Variants in RPS6KA2 observed in about 807,000 individuals in gnomAD.
RPS6KA2 encodes the protein ribosomal protein S6 kinase alpha-2.
Under a neutral mutation model 91.8 loss-of-function variants are expected in RPS6KA2, and 42 were observed. That is an observed-to-expected ratio of 0.46 (90% confidence interval 0.36 to 0.59). The LOEUF (loss-of-function observed/expected upper bound fraction) is 0.59, where lower values mean the gene tolerates loss of function less well. RPS6KA2 is among the 20% of genes least tolerant of loss of function. The pLI is 0.00. For synonymous variants in RPS6KA2, 414 were observed against 393.6 expected (o/e 1.05, Z -0.61); for missense variants, 798 against 978.5 (o/e 0.82, Z 2.46).
At chr6:166,715,137 G>T (rs1432411180) in intron 2 of RPS6KA2, among the ~76,000 whole-genome samples, 2 of 152,230 alleles carry the variant, frequency 1.3e-5, no homozygotes, top group Non-Finnish European at 1.5e-5. Flanking sequence ...GCACTGGGAG[G>T]CCCCAGAGAC....
At chr6:166,717,747 G>A (rs181202035) in intron 2 of RPS6KA2, among the ~76,000 whole-genome samples, 4 of 152,160 alleles carry the variant, frequency 2.6e-5, no homozygotes, top group African/African-American at 9.7e-5. Flanking sequence ...AATTTTACCA[G>A]GGGTGCCTCT....
intron 2 of RPS6KA2, among the ~76,000 whole-genome samples, chr6:166,802,368 T>C (rs918689556): frequency 6.6e-6 from 1 of 152,138 alleles, no homozygotes; most frequent in African/African-American, 2.4e-5. Context: ...TATTTTTACT[T>C]ATTCATTCAA....
chr6:166,684,450 G>A (rs902300388), intron 2 of RPS6KA2, among the ~76,000 whole-genome samples: 2 of 152,214 alleles, frequency 1.3e-5, no homozygotes, highest in Non-Finnish European at 1.5e-5. Flanking sequence ...TCACAGAGCT[G>A]TAACACTGCT....
chr6:166,483,727 C>A (rs958801561), intron 10 of RPS6KA2, among the ~76,000 whole-genome samples: 2 of 152,176 alleles, frequency 1.3e-5, no homozygotes, highest in Non-Finnish European at 2.9e-5. Context: ...CAGGCCTCTG[C>A]GACAGCTGCA....
At chr6:166,716,342 C>T (rs1468301206) in intron 2 of RPS6KA2, among the ~76,000 whole-genome samples, 1 of 152,144 alleles carries the variant, frequency 6.6e-6, no homozygotes. Flanking sequence ...GATTTCCCAC[C>T]GACTCCAGGC....
At chr6:166,571,120 G>T (rs549280172) in intron 1 of RPS6KA2, among the ~76,000 whole-genome samples, 1 of 152,206 alleles carries the variant, frequency 6.6e-6, no homozygotes, top group African/African-American at 2.4e-5. Context: ...CGATGAGGCC[G>T]GCCCCGCATG....
intron 2 of RPS6KA2, among the ~76,000 whole-genome samples, chr6:166,717,811 ATTGTT>A (rs1790054582): frequency 6.6e-6 from 1 of 151,332 alleles, no homozygotes; most frequent in Non-Finnish European, 1.5e-5. Flanking sequence ...TTCGCCGATG[ATTGTT>A]TTATTATTTG....
chr6:166,420,420 C>A (rs552588676), intron 17 of RPS6KA2, among the ~76,000 whole-genome samples: 35 of 152,294 alleles, frequency 2.3e-4, no homozygotes, highest in African/African-American at 8.2e-4. Flanking sequence ...GTCCCCCAGC[C>A]CCCAACACCT....
At chr6:166,575,781 T>G (rs1162219649) in intron 1 of RPS6KA2, among the ~76,000 whole-genome samples, 1 of 152,182 alleles carries the variant, frequency 6.6e-6, no homozygotes, top group Non-Finnish European at 1.5e-5. Flanking sequence ...TGGATTGGTT[T>G]GGAAGAATAA....
rs566432636 is a variant in RPS6KA2 at position 166,533,199 on chromosome 6, C to A, written c.217-1886G>T. Among the ~76,000 whole-genome samples, 11 of 152,240 alleles carry A rather than the reference C, an allele frequency of 7.2e-5. No homozygotes were observed. The highest frequency in any genetic ancestry group is 1.6e-4 in the Non-Finnish European group (11 of 68,046). ...TTTGAATCACGGGAAAGTCACATGC[C>A]ATGCACAGTTTTAGCTTCCATCTGA... is the stretch of plus-strand genomic sequence containing the variant. On this transcript the variant is annotated intron_variant, in intron 2 of 20. Transcript: ENST00000265678. This position sits in a 1 kb window ranked among gnomAD's most constrained non-coding sequence, Gnocchi z 4.0.
rs943032049 is a variant in RPS6KA2 at position 166,849,575 on chromosome 6, G to A, written c.123+8625C>T. ...CAGTGGAGGACCCCAGGCCACCCCC[G>A]CCCGTGGAAATCCATGAGACCGTTC... On this transcript the variant is annotated intron_variant, in intron 2 of 21. Coordinates refer to the RPS6KA2 transcript ENST00000503859. This position sits in a 1 kb window ranked among gnomAD's most constrained non-coding sequence, Gnocchi z 4.9. Among the ~76,000 whole-genome samples the A allele has an allele frequency of 9.2e-5, 14 of 152,070 alleles. No individual in the cohort carries two copies. The highest frequency in any genetic ancestry group is 1.9e-4 in the East Asian group (1 of 5,180).
intron 1 of RPS6KA2, among the ~76,000 whole-genome samples, chr6:166,588,160 C>T (rs1439017319): frequency 6.6e-6 from 1 of 152,122 alleles, no homozygotes; most frequent in Non-Finnish European, 1.5e-5. Context: ...AGGAGCTCAG[C>T]TCCATCCCAG....
chr6:166,805,220 TG>T (rs1322528543), intron 2 of RPS6KA2, among the ~76,000 whole-genome samples: 1 of 152,236 alleles, frequency 6.6e-6, no homozygotes, highest in South Asian at 2.1e-4. Context: ...ATCAGGCAGC[TG>T]GGCAGTTGTT....
rs1784200923 is a variant in RPS6KA2, at chr6:166,557,152, C to A, written c.100-18368G>T. Among the ~76,000 whole-genome samples, 1 of 152,254 alleles carries A rather than the reference C, an allele frequency of 6.6e-6. No individual in the cohort carries two copies. The highest frequency in any genetic ancestry group is 1.9e-4 in the East Asian group (1 of 5,198). On this transcript the variant is annotated intron_variant, in intron 1 of 20. Transcript: ENST00000265678. This position sits in a 1 kb window ranked among gnomAD's most constrained non-coding sequence, Gnocchi z 4.8. The stretch of plus-strand genomic sequence containing the variant: ...ACAAGAGGGCACAAAGTAGAACATG[C>A]CCTCCCCCTCTCTGCTAAGTTCCTC...
rs527285079 is a variant in RPS6KA2, at chr6:166,560,935, G to T, written c.100-22151C>A. ...GGGGCGTATTTCTTAGCCCAACATG[G>T]TGTTTTTTTTTTTCCCTGAGACTAA... On this transcript the variant is annotated intron_variant, in intron 1 of 20. Coordinates refer to ENST00000265678, the MANE Select transcript of RPS6KA2 (RefSeq NM_021135.6). 4.4e-3 allele frequency among the ~76,000 whole-genome samples: 568 copies of T among 129,004 alleles called. 3 individuals are homozygous for T. The highest frequency in any genetic ancestry group is 0.019 in the African/African-American group (546 of 28,742). 84.6% of individuals were successfully genotyped at this position (129,004 alleles called of 152,430 possible).
rs1040925376 is a variant in RPS6KA2 at position 166,586,662 on chromosome 6, C to G, written c.99+40259G>C. 1.4e-4 allele frequency among the ~76,000 whole-genome samples: 18 copies of G among 124,566 alleles called. 4 individuals carry two copies. Among genetic ancestry groups the G allele is most frequent in the African/African-American group, 1.0e-3 (16 of 15,694 alleles). The allele number at this position is 124,566 out of a possible 152,430, so 81.7% of individuals were successfully genotyped here. ...AGACCACTCCAGTTCTCCAATGTAA[C>G]CGAGCGCCTTCCTCTCCAAACAAGT... On this transcript the variant is annotated intron_variant, in intron 1 of 20. Coordinates refer to ENST00000265678, the MANE Select transcript of RPS6KA2 (RefSeq NM_021135.6).
At chr6:166,682,922 C>T (rs1788878391) in intron 2 of RPS6KA2, among the ~76,000 whole-genome samples, 4 of 152,180 alleles carry the variant, frequency 2.6e-5, no homozygotes, top group Non-Finnish European at 1.5e-5. Context: ...TAACCACATT[C>T]CTTAGACCCA....
At chr6:166,451,825 C>T (rs1055989726) in intron 12 of RPS6KA2, among the ~76,000 whole-genome samples, 7 of 152,298 alleles carry the variant, frequency 4.6e-5, no homozygotes, top group Middle Eastern at 3.4e-3. Context: ...TTTCTGATCT[C>T]TGTAAGATCT....
At position 166,779,635 on chromosome 6, in the gene RPS6KA2, C is replaced by A. The variant is rs558383967; in HGVS notation, c.123+78565G>T. Among the ~76,000 whole-genome samples the A allele has an allele frequency of 1.7e-4, 26 of 152,308 alleles. No individual in the cohort carries two copies. The South Asian group carries it at 5.2e-3, about 30-fold the overall frequency. ...TCCAGATCACACAGCCGTGATCGCCCACATCCCGTCCACAGAGCACTTGCT... is the reference window on the plus strand; with the variant it reads ...TCCAGATCACACAGCCGTGATCGCCAACATCCCGTCCACAGAGCACTTGCT... On this transcript the variant is annotated intron_variant, in intron 2 of 21. Transcript: ENST00000503859.
Sources: gnomAD v4.1 joint callset for allele counts (sites outside exome capture counted in the v4.1 genomes callset) on GRCh38, gnomAD v4.1.1 for gene constraint, Gnocchi (gnomAD v3.1) non-coding constraint, MANE v1.5 for transcripts, NCBI Gene and HGNC (gene_info 2026-07-23, HGNC 2026-07-21) for gene names.